The following KCNN2 variants were observed in gnomAD, a reference collection of about 807,000 sequenced individuals.
The protein encoded by KCNN2 is potassium calcium-activated channel subfamily N member 2, also known as small conductance calcium-activated potassium channel protein 2.
In KCNN2, 24 loss-of-function variants were observed where a neutral mutation model predicts 55.5. That is an observed-to-expected ratio of 0.43 (90% CI 0.31 to 0.61). The LOEUF is 0.61. Ranked by LOEUF, KCNN2 falls within the 20% of genes least tolerant of loss-of-function variation. The probability of loss-of-function intolerance (pLI) is 0.08; values close to 1 mark genes in which losing one functional copy is unlikely to be tolerated. For missense variants in KCNN2, 754 were observed against 853.6 expected, an observed-to-expected ratio of 0.88 and a Z score of 1.45; for synonymous variants, 431 against 336.1, an observed-to-expected ratio of 1.28 and a Z score of -3.09.
At chr5:114,100,996 A>G (rs980728397) in intron 1 of KCNN2, among the ~76,000 whole-genome samples, 1 of 151,956 alleles carries the variant, frequency 6.6e-6, no homozygotes, top group Non-Finnish European at 1.5e-5. Flanking sequence ...CTTATTTTAT[A>G]TACAGACCTA....
chr5:114,290,335 T>A (rs552229499), intron 2 of KCNN2, among the ~76,000 whole-genome samples: 7 of 152,262 alleles, frequency 4.6e-5, no homozygotes, highest in African/African-American at 1.4e-4. Context: ...AATTTGTATA[T>A]TTCCATGAAT....
At chr5:114,137,446 C>T (rs938953711) in intron 1 of KCNN2, among the ~76,000 whole-genome samples, 1 of 152,092 alleles carries the variant, frequency 6.6e-6, no homozygotes, top group African/African-American at 2.4e-5. Context: ...ATCATAGTCA[C>T]TTGATATATA....
At chr5:114,128,068 C>G (rs1413151578) in intron 1 of KCNN2, among the ~76,000 whole-genome samples, 1 of 152,160 alleles carries the variant, frequency 6.6e-6, no homozygotes. Flanking sequence ...CTTCTGAGCC[C>G]TCCAAACTGT....
At chr5:114,207,164 G>C (rs935554978) in intron 1 of KCNN2, among the ~76,000 whole-genome samples, 1 of 151,960 alleles carries the variant, frequency 6.6e-6, no homozygotes, top group African/African-American at 2.4e-5. Flanking sequence ...TCTTGTTTTG[G>C]GGTGTATTAG....
At chr5:114,236,107 A>G (rs746411866) in intron 2 of KCNN2, among the ~76,000 whole-genome samples, 18 of 152,252 alleles carry the variant, frequency 1.2e-4, no homozygotes, top group African/African-American at 1.9e-4. Context: ...TGAGTGTGTC[A>G]TATATACTTT....
intron 2 of KCNN2, among the ~76,000 whole-genome samples, chr5:114,356,639 A>C (rs1757298603): frequency 6.6e-6 from 1 of 152,122 alleles, no homozygotes; most frequent in Admixed American, 6.5e-5. Flanking sequence ...GATAGGCCCT[A>C]ACACAATAAT....
At chr5:114,134,035 T>C (rs1752120485) in intron 1 of KCNN2, among the ~76,000 whole-genome samples, 1 of 152,092 alleles carries the variant, frequency 6.6e-6, no homozygotes, top group Non-Finnish European at 1.5e-5. Flanking sequence ...CATCAGGAGG[T>C]CTCTTCTCCC....
intron 3 of KCNN2, among the ~76,000 whole-genome samples, chr5:114,421,586 A>G (rs1759472800): frequency 6.6e-6 from 1 of 151,244 alleles, no homozygotes; most frequent in Non-Finnish European, 1.5e-5. Context: ...TCTTTTCTCT[A>G]CAACCTCCCC....
intron 3 of KCNN2, chr5:114,433,541 T>C (rs1759879018): frequency 6.6e-6 from 1 of 152,424 alleles, no homozygotes; most frequent in Non-Finnish European, 1.5e-5. Flanking sequence ...TTCAACACTG[T>C]GGAAGCTTTG....
At chr5:114,149,111 A>G (rs1255919633) in intron 1 of KCNN2, among the ~76,000 whole-genome samples, 1 of 152,184 alleles carries the variant, frequency 6.6e-6, no homozygotes, top group Non-Finnish European at 1.5e-5. Context: ...AGGTTATAGG[A>G]ATCAGCCTGG....
At chr5:114,408,063 A>T (rs1367439343) in intron 3 of KCNN2, among the ~76,000 whole-genome samples, 1 of 152,152 alleles carries the variant, frequency 6.6e-6, no homozygotes, top group African/African-American at 2.4e-5. Flanking sequence ...ACTGGTGCCA[A>T]CAGTGCCTAA....
chr5:114,470,175 C>G (rs1761655025), intron 4 of KCNN2, among the ~76,000 whole-genome samples: 1 of 152,158 alleles, frequency 6.6e-6, no homozygotes, highest in Non-Finnish European at 1.5e-5. Context: ...TTCCAAGGCT[C>G]TTGATTCCAG....
Position 114,149,950 on chromosome 5 carries a change from C to T in KCNN2, c.-270-71530C>T, listed in dbSNP as rs139999647. Among the ~76,000 whole-genome samples the T allele has an allele frequency of 7.6e-3, 1,162 of 152,172 alleles. 14 individuals are homozygous for T. The highest frequency in any genetic ancestry group is 0.025 in the African/African-American group (1,049 of 41,526). On this transcript the variant is annotated intron_variant, in intron 1 of 10. Transcript: ENST00000512097. ...TCCCTATGAACAGGTGCCCCTCATG[C>T]GTCCGTTTATAGGCTCTCCACAAGG...
intron 1 of KCNN2, among the ~76,000 whole-genome samples, chr5:114,170,763 T>G (rs1189058846): frequency 1.3e-5 from 2 of 152,022 alleles, no homozygotes; most frequent in East Asian, 1.9e-4. Flanking sequence ...TTACCTATGT[T>G]TGTATCTCCT....
rs531108386 is a variant in KCNN2, at chr5:114,331,922, A to G, written c.-184-29023A>G. 1.6e-4 allele frequency among the ~76,000 whole-genome samples: 24 copies of G among 152,342 alleles called. No homozygotes were observed. In the South Asian group the frequency reaches 3.3e-3, roughly 21 times the overall value. ...ACTTGTGCAACCAGCTGGGGCTGTA[A>G]GAGAACCAAGCTCAGACCTTCCCTT... On this transcript the variant is annotated intron_variant, in intron 2 of 10. Coordinates refer to the KCNN2 transcript ENST00000512097.
intron 2 of KCNN2, among the ~76,000 whole-genome samples, chr5:114,303,891 A>C (rs1288814540): frequency 1.3e-5 from 2 of 152,234 alleles, no homozygotes; most frequent in Non-Finnish European, 1.5e-5. Context: ...TTTCTGACAT[A>C]TAGAATTTCT....
intron 2 of KCNN2, among the ~76,000 whole-genome samples, chr5:114,222,661 A>T (rs1443762787): frequency 1.3e-5 from 2 of 152,186 alleles, no homozygotes; most frequent in Admixed American, 1.3e-4. Flanking sequence ...AGCGCAGGGA[A>T]TCATATCCCT....
chr5:114,128,016 A>C (rs1274131153), intron 1 of KCNN2, among the ~76,000 whole-genome samples: 2 of 152,074 alleles, frequency 1.3e-5, no homozygotes, highest in Non-Finnish European at 2.9e-5. Context: ...CCACTCAACA[A>C]ATCTCTAGGA....
intron 1 of KCNN2, among the ~76,000 whole-genome samples, chr5:114,218,373 A>T (rs189787681): frequency 6.6e-6 from 1 of 152,326 alleles, no homozygotes; most frequent in East Asian, 1.9e-4. Flanking sequence ...TAAATAAACT[A>T]TGGTATATCC....
Sources: gnomAD v4.1 joint callset for allele counts (sites outside exome capture counted in the v4.1 genomes callset) on GRCh38, gnomAD v4.1.1 for gene constraint, MANE v1.5 for transcripts, NCBI Gene and HGNC (gene_info 2026-07-23, HGNC 2026-07-21) for gene names.